MAN1A1: variants seen among roughly 807,000 people sequenced by gnomAD.
MAN1A1 encodes mannosyl-oligosaccharide 1,2-alpha-mannosidase IA.
Under a neutral mutation model 70.8 loss-of-function variants are expected in MAN1A1, and 29 were observed. The observed-to-expected ratio is 0.41, with a 90% CI of 0.31 to 0.56. The LOEUF (loss-of-function observed/expected upper bound fraction) is 0.56, where lower values mean the gene tolerates loss of function less well. MAN1A1 is among the 20% of genes least tolerant of loss of function. The pLI is 0.29. For synonymous variants in MAN1A1, 349 were observed against 330.1 expected, an observed-to-expected ratio of 1.06 and a Z score of -0.62; for missense variants, 747 against 841.3, an observed-to-expected ratio of 0.89 and a Z score of 1.39.
At chr6:119,198,342 G>A (rs148963511) in intron 8 of MAN1A1, among the ~76,000 whole-genome samples, 7,084 of 152,100 alleles carry the variant, frequency 0.047, 209 homozygotes, top group East Asian at 0.082. Flanking sequence ...GTGAGCTGAG[G>A]CTGTGCCACT....
At chr6:119,277,571 T>C (rs906726001) in intron 5 of MAN1A1, among the ~76,000 whole-genome samples, 3 of 152,058 alleles carry the variant, frequency 2.0e-5, no homozygotes, top group Non-Finnish European at 4.4e-5. Flanking sequence ...TCTATAGTCC[T>C]AGCACTTTGG....
chr6:119,262,434 C>T (rs1294091618), intron 5 of MAN1A1, among the ~76,000 whole-genome samples: 1 of 151,370 alleles, frequency 6.6e-6, no homozygotes, highest in Non-Finnish European at 1.5e-5. Flanking sequence ...TAAAAAACTT[C>T]ATTATATGGC....
At chr6:119,280,902 G>C (rs1330757924) in intron 5 of MAN1A1, among the ~76,000 whole-genome samples, 2 of 152,180 alleles carry the variant, frequency 1.3e-5, no homozygotes, top group African/African-American at 4.8e-5. Context: ...AGTGAGCACT[G>C]AAATCAAAGA....
intron 6 of MAN1A1, among the ~76,000 whole-genome samples, chr6:119,237,986 G>A (rs573764674): frequency 6.6e-5 from 10 of 152,204 alleles, no homozygotes; most frequent in Admixed American, 3.9e-4. Flanking sequence ...TTAAAGTGAT[G>A]GAAGCAAGAC....
Position 119,230,660 on chromosome 6 carries a change from G to A in MAN1A1, c.992+17600C>T, listed in dbSNP as rs150047211. Among the ~76,000 whole-genome samples, 352 of 152,296 alleles carry A rather than the reference G, an allele frequency of 2.3e-3. 1 individual carries two copies. Among genetic ancestry groups the A allele is most frequent in the African/African-American group, 7.7e-3 (320 of 41,562 alleles). On this transcript the variant is annotated intron_variant, in intron 6 of 12. Transcript: ENST00000368468. Reference sequence around the variant, plus strand: ...CTCTTCCCTAGACTATAAACTCTGTGAGAGTCACCAAGAAAACGTTTACCA... The same window carrying A: ...CTCTTCCCTAGACTATAAACTCTGTAAGAGTCACCAAGAAAACGTTTACCA...
intron 2 of MAN1A1, among the ~76,000 whole-genome samples, chr6:119,345,812 G>C (rs1245622060): frequency 6.6e-6 from 1 of 152,138 alleles, no homozygotes; most frequent in Non-Finnish European, 1.5e-5. Context: ...AAGAGAATTA[G>C]AAAATACAGG....
chr6:119,340,022 C>T (rs1161295730), intron 2 of MAN1A1, among the ~76,000 whole-genome samples: 4 of 152,054 alleles, frequency 2.6e-5, no homozygotes. Context: ...ACCTAGGAGG[C>T]GGAGGTTGCA....
chr6:119,248,556 T>A (rs763293), intron 5 of MAN1A1, among the ~76,000 whole-genome samples: 112,704 of 152,152 alleles, frequency 0.74, 42,214 homozygotes, highest in Non-Finnish European at 0.81. Flanking sequence ...GGGATATTTA[T>A]TCCCAATCTT....
chr6:119,255,927 AAAT>A (rs1198056400), intron 5 of MAN1A1, among the ~76,000 whole-genome samples: 8 of 151,756 alleles, frequency 5.3e-5, no homozygotes, highest in African/African-American at 2.0e-4. Flanking sequence ...TTTTTAAAAA[AAAT>A]ATATTTAATT....
intron 6 of MAN1A1, among the ~76,000 whole-genome samples, chr6:119,218,008 C>T (rs149662160): frequency 6.6e-6 from 1 of 152,194 alleles, no homozygotes; most frequent in East Asian, 1.9e-4. Flanking sequence ...TTCATTAAAC[C>T]AATCCTCTAT....
chr6:119,204,833 C>T lies in MAN1A1; in HGVS notation c.1042G>A (p.Ala348Thr). The change falls in exon 7 of 13, where the codon GCA (alanine) becomes ACA (threonine). Residue 348 changes from alanine to threonine, a missense_variant. Around this residue, in one of 2 missense-constraint regions of MAN1A1, gnomAD observed 419 missense variants for 548.2 expected, o/e 0.76. Coordinates refer to ENST00000368468, the MANE Select transcript of MAN1A1 (RefSeq NM_005907.4). ...TCCAAATGCAGGGTTCCAAATTCTG[C>T]CAGAATACTGCTGCCTCCAGAGGCC... is the stretch of plus-strand genomic sequence containing the variant. ...PWASGGSSIL[A>T]EFGTLHLEFM... 1.2e-6 allele frequency: 2 copies of T among 1,613,928 alleles called. No individual in the cohort carries two copies. The highest frequency in any genetic ancestry group is 1.7e-6 in the Non-Finnish European group (2 of 1,179,874).
At chr6:119,280,900 C>A (rs992817537) in intron 5 of MAN1A1, among the ~76,000 whole-genome samples, 17 of 152,274 alleles carry the variant, frequency 1.1e-4, no homozygotes, top group African/African-American at 3.8e-4. Flanking sequence ...CTAGTGAGCA[C>A]TGAAATCAAA....
At chr6:119,263,605 C>A (rs145417699) in intron 5 of MAN1A1, among the ~76,000 whole-genome samples, 15 of 152,130 alleles carry the variant, frequency 9.9e-5, no homozygotes, top group Admixed American at 3.3e-4. Flanking sequence ...TTCCATGACA[C>A]GCCATGTACC....
intron 2 of MAN1A1, 55 bp downstream of exon 2, chr6:119,348,408 T>C (rs1773794903): frequency 6.8e-7 from 1 of 1,473,940 alleles, no homozygotes; most frequent in South Asian, 1.3e-5. Flanking sequence ...AGGCTTGCCG[T>C]TTCTCCCTGA....
chr6:119,297,948 C>T (rs1194228269), intron 4 of MAN1A1, among the ~76,000 whole-genome samples: 2 of 151,872 alleles, frequency 1.3e-5, no homozygotes, highest in East Asian at 1.9e-4. Context: ...CCACGCCTGG[C>T]CAAATAGTAG....
At chr6:119,201,902 T>G (rs1010901416) in intron 7 of MAN1A1, among the ~76,000 whole-genome samples, 1 of 152,222 alleles carries the variant, frequency 6.6e-6, no homozygotes, top group Admixed American at 6.5e-5. Context: ...ACAGGGCACT[T>G]TGTATAGGGC....
At chr6:119,345,822 G>C (rs890955062) in intron 2 of MAN1A1, among the ~76,000 whole-genome samples, 5 of 152,112 alleles carry the variant, frequency 3.3e-5, no homozygotes, top group Admixed American at 3.3e-4. Flanking sequence ...GAAAATACAG[G>C]AACAGGTCAG....
intron 6 of MAN1A1, 90 bp from the exon 7 acceptor site, chr6:119,204,972 A>C: frequency 1.5e-6 from 2 of 1,357,926 alleles, no homozygotes; most frequent in Non-Finnish European, 2.0e-6. Flanking sequence ...ACAGCTTTTA[A>C]AAAAAGGCAT....
At chr6:119,238,883 C>CTAT (rs757891513) in intron 6 of MAN1A1, among the ~76,000 whole-genome samples, 79 of 151,644 alleles carry the variant, frequency 5.2e-4, no homozygotes, top group South Asian at 1.0e-3. Flanking sequence ...GAAACTGGGT[C>CTAT]TATTATTATT....
Sources: gnomAD v4.1 joint callset for allele counts (sites outside exome capture counted in the v4.1 genomes callset) on GRCh38, gnomAD v4.1.1 for gene constraint, gnomAD v4.1.1 regional missense constraint, MANE v1.5 for transcripts, NCBI Gene and HGNC (gene_info 2026-07-23, HGNC 2026-07-21) for gene names.